The following SCHIP1 variants were observed in gnomAD, a reference collection of about 807,000 sequenced individuals.
The protein encoded by SCHIP1 is schwannomin-interacting protein 1.
In SCHIP1, 8 loss-of-function variants were observed where a neutral mutation model predicts 29.7. The ratio of observed to expected loss-of-function variants is 0.27; its 90% CI spans 0.16 to 0.49. The LOEUF (loss-of-function observed/expected upper bound fraction) is 0.49. SCHIP1 is among the 20% of genes least tolerant of loss of function. The probability of loss-of-function intolerance (pLI) is 0.99; values close to 1 mark genes in which losing one functional copy is unlikely to be tolerated. For missense variants in SCHIP1, 193 were observed against 294.6 expected, an observed-to-expected ratio of 0.66 and a Z score of 2.52; for synonymous variants, 76 against 94.9, an observed-to-expected ratio of 0.80 and a Z score of 1.16.
chr3:159,888,192 G>A (rs1010366341), intron 4 of SCHIP1: 6 of 427,444 alleles, frequency 1.4e-5, no homozygotes, highest in African/African-American at 4.0e-5. Context: ...CCTTTGAAGC[G>A]ATCTCAATCT....
chr3:159,433,937 T>C, the SCHIP1 span, among the ~76,000 whole-genome samples: 85,161 of 152,032 alleles, frequency 0.56, 25,039 homozygotes, highest in East Asian at 0.75. Flanking sequence ...ATCCACTGCC[T>C]GCCTCCATGC....
chr3:159,385,280 G>A, the SCHIP1 span, among the ~76,000 whole-genome samples: 10 of 152,232 alleles, frequency 6.6e-5, no homozygotes, highest in Middle Eastern at 3.4e-3. Flanking sequence ...TTGAACAACC[G>A]CACATGATGG....
At chr3:159,876,382 A>G (rs1715812169) in intron 2 of SCHIP1, among the ~76,000 whole-genome samples, 1 of 152,214 alleles carries the variant, frequency 6.6e-6, no homozygotes, top group African/African-American at 2.4e-5. Flanking sequence ...GCTTACTAGC[A>G]CTTACTAATG....
At chr3:159,813,505 A>G in the SCHIP1 span, among the ~76,000 whole-genome samples, 2 of 152,030 alleles carry the variant, frequency 1.3e-5, no homozygotes, top group Non-Finnish European at 2.9e-5. Flanking sequence ...AGCCTGGGCA[A>G]CCTGGGGAGA....
chr3:159,410,749 T>G, the SCHIP1 span, among the ~76,000 whole-genome samples: 1 of 152,114 alleles, frequency 6.6e-6, no homozygotes, highest in Non-Finnish European at 1.5e-5. Context: ...AGAGCTACCA[T>G]ATGATCCAGC....
chr3:159,713,708 A>G, the SCHIP1 span, among the ~76,000 whole-genome samples: 1 of 152,234 alleles, frequency 6.6e-6, no homozygotes, highest in Non-Finnish European at 1.5e-5. Context: ...TTTTGGACTA[A>G]TAAGAGAACC....
chr3:159,355,724 A>C, the SCHIP1 span, among the ~76,000 whole-genome samples: 1 of 151,926 alleles, frequency 6.6e-6, no homozygotes, highest in Non-Finnish European at 1.5e-5. Flanking sequence ...GTGGTTACCA[A>C]GTCTCTGCCA....
the SCHIP1 span, among the ~76,000 whole-genome samples, chr3:159,673,959 TC>T: frequency 6.6e-6 from 1 of 152,218 alleles, no homozygotes; most frequent in African/African-American, 2.4e-5. Flanking sequence ...CTCCTGCAGT[TC>T]CTTCTACCCT....
the SCHIP1 span, among the ~76,000 whole-genome samples, chr3:159,669,652 A>G: frequency 6.6e-6 from 1 of 152,128 alleles, no homozygotes; most frequent in African/African-American, 2.4e-5. Flanking sequence ...GTTCTCTCCA[A>G]CCCCTCAACT....
the SCHIP1 span, among the ~76,000 whole-genome samples, chr3:159,565,245 C>T: frequency 6.6e-6 from 1 of 152,116 alleles, no homozygotes; most frequent in African/African-American, 2.4e-5. Flanking sequence ...TCTCATTAAC[C>T]CCATCTAGTG....
chr3:159,595,379 G>A, the SCHIP1 span, among the ~76,000 whole-genome samples: 1 of 152,100 alleles, frequency 6.6e-6, no homozygotes, highest in South Asian at 2.1e-4. Flanking sequence ...AGCAGCCAGG[G>A]AAGGGAAGGG....
chr3:159,555,670 G>A, the SCHIP1 span, among the ~76,000 whole-genome samples: 2 of 152,040 alleles, frequency 1.3e-5, no homozygotes, highest in Non-Finnish European at 2.9e-5. Context: ...CTATTAAAGG[G>A]CATGAATTCA....
chr3:159,582,161 G>A, the SCHIP1 span, among the ~76,000 whole-genome samples: 1 of 151,604 alleles, frequency 6.6e-6, no homozygotes, highest in Non-Finnish European at 1.5e-5. Context: ...TTGTTGTTGG[G>A]TTTTTTTGTT....
chr3:159,894,781 C>G (rs561770332), intron 6 of SCHIP1: 1 of 151,158 alleles, frequency 6.6e-6, no homozygotes, highest in South Asian at 2.1e-4. Context: ...TCTTATATAA[C>G]TTGCTGATAA....
chr3:159,740,057 C>T, the SCHIP1 span, among the ~76,000 whole-genome samples: 1 of 152,346 alleles, frequency 6.6e-6, no homozygotes, highest in South Asian at 2.1e-4. Flanking sequence ...GTTGTCATCT[C>T]GTCTCTCCTC....
intron 1 of SCHIP1, among the ~76,000 whole-genome samples, chr3:159,842,783 C>A (rs1220083653): frequency 6.8e-6 from 1 of 147,746 alleles, no homozygotes; most frequent in African/African-American, 2.5e-5. Flanking sequence ...TTGGGACATA[C>A]ACTAAAATAT....
chr3:159,489,007 T>C, the SCHIP1 span, among the ~76,000 whole-genome samples: 1 of 152,182 alleles, frequency 6.6e-6, no homozygotes. Flanking sequence ...TCCAAATTCA[T>C]AAGTGTTGAG....
chr3:159,568,694 CTG>C, the SCHIP1 span, among the ~76,000 whole-genome samples: 1 of 151,966 alleles, frequency 6.6e-6, no homozygotes, highest in Non-Finnish European at 1.5e-5. Flanking sequence ...GAGTGCAAGT[CTG>C]TGTGTGTGCA....
At chr3:159,590,642 G>C in the SCHIP1 span, among the ~76,000 whole-genome samples, 1 of 151,942 alleles carries the variant, frequency 6.6e-6, no homozygotes, top group East Asian at 1.9e-4. Flanking sequence ...TCTATGCATG[G>C]TGTGTTAAAT....
Sources: allele counts gnomAD v4.1 joint callset (sites outside exome capture counted in the v4.1 genomes callset), GRCh38; gene constraint gnomAD v4.1.1; transcripts MANE v1.5; gene names NCBI Gene and HGNC (gene_info 2026-07-23, HGNC 2026-07-21).